The following TBKBP1 variants were observed in gnomAD, a reference collection of about 807,000 sequenced individuals.
TBKBP1 encodes TBK1 binding protein 1.
Under a neutral mutation model 69.9 loss-of-function variants are expected in TBKBP1, and 47 were observed. The observed-to-expected ratio is 0.67, with a 90% confidence interval of 0.53 to 0.86. TBKBP1 has a LOEUF of 0.86. Among genes scored for constraint, TBKBP1 ranks in the 40% least tolerant of loss-of-function variants. The probability of loss-of-function intolerance (pLI) is 0.00; values close to 1 mark genes in which losing one functional copy is unlikely to be tolerated. For missense variants in TBKBP1, 831 were observed against 858.6 expected, an observed-to-expected ratio of 0.97 and a Z score of 0.40; for synonymous variants, 418 against 390.3, an observed-to-expected ratio of 1.07 and a Z score of -0.84.
chr17:47,708,999 G>T lies in TBKBP1; in HGVS notation c.1266G>T (p.Pro422=). The T allele has an allele frequency of 8.8e-7, 1 of 1,135,038 alleles. No homozygotes were observed. The allele number at this position is 1,135,038 out of a possible 1,614,324, so 70.3% of individuals were successfully genotyped here. Residue 422 remains proline (P), a synonymous_variant, in exon 9 of 10, where the codon CCG becomes CCT. Transcript: ENST00000578982. The surrounding 1 kb of genome is among the most constrained non-coding windows in gnomAD (Gnocchi z 4.4). ...GTTCCCCGGTGCCCCCCAGCTGCCC[G>T]GCCCCGCAGCCCCGGCCACCGCCGC... ...QRRSPVPPSC[P]APQPRPPPPP...
At position 47,696,194 on chromosome 17, in the gene TBKBP1, G is replaced by A. The variant is rs897049872; in HGVS notation, c.82G>A (p.Gly28Arg). Reference protein sequence around the residue: ...GPSEVWLDSPGDPSLGGDMCS... With the variant: ...GPSEVWLDSPRDPSLGGDMCS... ...TAGTGAGGTGTGGCTGGACAGTCCCGGAGACCCCTCGCTTGGGGGCGACAT... is the reference window on the plus strand; with the variant it reads ...TAGTGAGGTGTGGCTGGACAGTCCCAGAGACCCCTCGCTTGGGGGCGACAT... Residue 28 changes from glycine (G) to arginine (R), a missense_variant, in exon 2 of 10, where the codon GGA becomes AGA. Physicochemically the swap from Gly to Arg is moderately radical, Grantham distance 125. Coordinates refer to ENST00000578982, the MANE Select transcript of TBKBP1 (RefSeq NM_001394755.1). 5 of 1,613,522 alleles carry A rather than the reference G, an allele frequency of 3.1e-6. No homozygotes were observed. Among genetic ancestry groups the A allele is most frequent in the Non-Finnish European group, 4.2e-6 (5 of 1,179,856 alleles).
chr17:47,699,456 G>A lies in TBKBP1; in HGVS notation c.771G>A (p.Leu257=). The change falls in exon 6 of 10, where the codon CTG becomes CTA. Residue 257 remains leucine, a synonymous_variant. Coordinates refer to ENST00000578982, the MANE Select transcript of TBKBP1 (RefSeq NM_001394755.1). The part of the protein sequence containing the change: ...EEQLQAECER[L]QGELKQLQET... ...AGCTCCAGGCCGAGTGCGAGCGGCTGCAGGGGGAGCTGAAGCAGCTGCAGG... is the reference window on the plus strand; with the variant it reads ...AGCTCCAGGCCGAGTGCGAGCGGCTACAGGGGGAGCTGAAGCAGCTGCAGG... 6.4e-7 allele frequency: 1 copy of A among 1,572,164 alleles called. No homozygotes were observed. The highest frequency in any genetic ancestry group is 1.2e-5 in the South Asian group (1 of 86,536).
Position 47,708,530 on chromosome 17 carries a change from AGGGGGAGGC to A in TBKBP1, c.991+19_991+27del. 6.2e-7 allele frequency: 1 copy of A among 1,611,588 alleles called. No individual in the cohort carries two copies. The highest frequency in any genetic ancestry group is 8.5e-7 in the Non-Finnish European group (1 of 1,178,378). On this transcript the variant is annotated intron_variant, in intron 8 of 9. Coordinates refer to ENST00000578982, the MANE Select transcript of TBKBP1 (RefSeq NM_001394755.1). This position sits in a 1 kb window ranked among gnomAD's most constrained non-coding sequence, Gnocchi z 4.4. ...GAGTGGCGGTGAGATGGGGCAGGGC[AGGGGGAGGC>A]AGCCGCGGGACCCGGGAAGGAGCGG...
intron 3 of TBKBP1, 52 bp from the exon 4 acceptor site, chr17:47,697,037 C>T: frequency 1.9e-6 from 3 of 1,565,262 alleles, no homozygotes; most frequent in South Asian, 2.3e-5. Flanking sequence ...TCTCCAACTC[C>T]AAGTCCAGTG....
intron 7 of TBKBP1, among the ~76,000 whole-genome samples, chr17:47,704,875 G>GC (rs1190859366): frequency 3.3e-5 from 5 of 152,230 alleles, no homozygotes; most frequent in African/African-American, 1.2e-4. Context: ...AATATTTGCA[G>GC]CCCAGGGGGC....
Position 47,699,442 on chromosome 17 carries a change from G to T in TBKBP1, c.757G>T (p.Glu253Ter). 1 of 1,571,022 alleles carries T rather than the reference G, an allele frequency of 6.4e-7. No homozygotes were observed. The highest frequency in any genetic ancestry group is 8.6e-7 in the Non-Finnish European group (1 of 1,160,194). The change falls in exon 6 of 10, where the codon GAG becomes TAG. Residue 253 changes from glutamate to a stop codon, truncating the protein, a stop_gained. Coordinates refer to ENST00000578982, the MANE Select transcript of TBKBP1 (RefSeq NM_001394755.1). LOFTEE classifies it high-confidence loss of function. ...GCTCCGGGAGGAGCAGCTCCAGGCC[G>T]AGTGCGAGCGGCTGCAGGGGGAGCT... is the stretch of plus-strand genomic sequence containing the variant. ...AQLREEQLQA[E>*]CERLQGELKQ...
rs575528050 is a variant in TBKBP1 at position 47,702,619 on chromosome 17, G to A, written c.872+2922G>A. Among the ~76,000 whole-genome samples the A allele has an allele frequency of 7.2e-5, 11 of 152,016 alleles. No homozygotes were observed. In the East Asian group the frequency reaches 1.4e-3, roughly 19 times the overall value. On this transcript the variant is annotated intron_variant, in intron 7 of 9. Coordinates refer to ENST00000578982, the MANE Select transcript of TBKBP1 (RefSeq NM_001394755.1). ...AAGTTCTGGCCATTAACGTTCCCAC[G>A]AAAACAGACACCCAGACCAGACCGA... is the stretch of plus-strand genomic sequence containing the variant.
Position 47,698,645 on chromosome 17 carries a change from G to A in TBKBP1, c.504G>A (p.Gln168=). ...HLRQICGLEQ[Q]LRQQQGLQDA... ...GTCAGATCTGTGGTTTGGAGCAGCA[G>A]CTGCGGCAACAGCAAGGCCTCCAGG... The change falls in exon 5 of 10, where the codon CAG becomes CAA. Residue 168 remains glutamine, a synonymous_variant. Transcript: ENST00000578982. 6.2e-7 allele frequency: 1 copy of A among 1,602,442 alleles called. No individual in the cohort carries two copies.
chr17:47,705,745 C>T (rs551468572), intron 7 of TBKBP1, among the ~76,000 whole-genome samples: 270 of 152,338 alleles, frequency 1.8e-3, no homozygotes, highest in Non-Finnish European at 3.0e-3. Flanking sequence ...GCGGCCCAGG[C>T]CTGTGCATCT....
chr17:47,707,577 A>C (rs545697056), intron 7 of TBKBP1, among the ~76,000 whole-genome samples: 23 of 152,356 alleles, frequency 1.5e-4, no homozygotes, highest in African/African-American at 5.5e-4. Context: ...AAGTTCTAGA[A>C]CAAGGCAGCC....
At position 47,707,536 on chromosome 17, in the gene TBKBP1, C is replaced by T. The variant is rs181519501; in HGVS notation, c.873-858C>T. 1.6e-3 allele frequency among the ~76,000 whole-genome samples: 239 copies of T among 152,330 alleles called. 2 individuals carry two copies. Among genetic ancestry groups the T allele is most frequent in the Non-Finnish European group, 8.8e-4 (60 of 68,020 alleles). On this transcript the variant is annotated intron_variant, in intron 7 of 9. Transcript: ENST00000578982. ...GGTGGTGGGAATATAAATACAATGA[C>T]GTAATCCTCACCATCAAGAAACTTC...
chr17:47,703,210 C>A (rs948733270), intron 7 of TBKBP1, among the ~76,000 whole-genome samples: 1 of 152,124 alleles, frequency 6.6e-6, no homozygotes, highest in African/African-American at 2.4e-5. Context: ...CACCTCCCCC[C>A]CCACCCCTCT....
chr17:47,699,705 A>C lies in TBKBP1; in HGVS notation c.872+8A>C. 6.2e-7 allele frequency: 1 copy of C among 1,613,924 alleles called. No homozygotes were observed. Among genetic ancestry groups the C allele is most frequent in the Non-Finnish European group, 8.5e-7 (1 of 1,179,878 alleles). On this transcript the variant is annotated splice_region_variant and intron_variant, in intron 7 of 9. Coordinates refer to ENST00000578982, the MANE Select transcript of TBKBP1 (RefSeq NM_001394755.1). ...AAGAGTTGGGGATGATCAGTAAGTC[A>C]CATTGGTAACCCTGGTCCCTCCGTG...
Position 47,708,374 on chromosome 17 carries a change from C to T in TBKBP1, c.873-20C>T, listed in dbSNP as rs2031769224. Reference sequence around the variant, plus strand: ...AGACCCACTGCCCTTCTCGTCTTTCCCACTGCCCTCTGACTTCAGGGTGAA... The same window carrying T: ...AGACCCACTGCCCTTCTCGTCTTTCTCACTGCCCTCTGACTTCAGGGTGAA... On this transcript the variant is annotated intron_variant, in intron 7 of 9. Coordinates refer to ENST00000578982, the MANE Select transcript of TBKBP1 (RefSeq NM_001394755.1). This position sits in a 1 kb window ranked among gnomAD's most constrained non-coding sequence, Gnocchi z 4.4. 6.2e-7 allele frequency: 1 copy of T among 1,613,442 alleles called. No individual in the cohort carries two copies. The highest frequency in any genetic ancestry group is 8.5e-7 in the Non-Finnish European group (1 of 1,179,486).
chr17:47,705,079 G>A (rs575055778), intron 7 of TBKBP1, among the ~76,000 whole-genome samples: 72 of 152,308 alleles, frequency 4.7e-4, no homozygotes, highest in Middle Eastern at 6.8e-3. Context: ...CCCCAGGGAA[G>A]GGGTGGTGAT....
chr17:47,708,419 G>C lies in TBKBP1; in HGVS notation c.898G>C (p.Glu300Gln). 1 of 1,613,908 alleles carries C rather than the reference G, an allele frequency of 6.2e-7. No homozygotes were observed. The highest frequency in any genetic ancestry group is 8.5e-7 in the Non-Finnish European group (1 of 1,179,828). Residue 300 changes from glutamate to glutamine, a missense_variant, in exon 8 of 10, where the codon GAG (glutamate) becomes CAG (glutamine). By Grantham distance (29) the Glu-to-Gln change is conservative. Transcript: ENST00000578982. This position sits in a 1 kb window ranked among gnomAD's most constrained non-coding sequence, Gnocchi z 4.4. ...GGTGAATTTGGCGCTGGCCTACACC[G>C]AGCTGACGGAGGAGCTGGGCCGGCT... is the stretch of plus-strand genomic sequence containing the variant. The part of the protein sequence containing the change: ...DQVNLALAYT[E>Q]LTEELGRLRE...
chr17:47,694,979 T>G (rs963523470), intron 1 of TBKBP1, among the ~76,000 whole-genome samples: 4 of 151,376 alleles, frequency 2.6e-5, no homozygotes, highest in African/African-American at 9.7e-5. Flanking sequence ...CTGTCTGAAC[T>G]CACAGCTCCC....
At chr17:47,700,960 T>C (rs528350812) in intron 7 of TBKBP1, among the ~76,000 whole-genome samples, 20 of 152,266 alleles carry the variant, frequency 1.3e-4, no homozygotes, top group Middle Eastern at 3.4e-3. Context: ...TCTTTCCGCC[T>C]AAGTCCTCTC....
Position 47,708,872 on chromosome 17 carries a change from C to T in TBKBP1, c.1139C>T (p.Pro380Leu). 2 of 1,415,972 alleles carry T rather than the reference C, an allele frequency of 1.4e-6. No homozygotes were observed. The highest frequency in any genetic ancestry group is 1.4e-5 in the South Asian group (1 of 72,810). 87.7% of individuals were successfully genotyped at this position (1,415,972 alleles called of 1,614,324 possible). A position where few individuals can be genotyped will look rare whatever the true frequency, so the allele number is the denominator to read the frequency against. The change falls in exon 9 of 10, where the codon CCG becomes CTG. Residue 380 changes from proline (P) to leucine (L), a missense_variant. Pro to Leu is a moderately conservative substitution (Grantham distance 98, BLOSUM62 -3). Coordinates refer to ENST00000578982, the MANE Select transcript of TBKBP1 (RefSeq NM_001394755.1). This position sits in a 1 kb window ranked among gnomAD's most constrained non-coding sequence, Gnocchi z 4.4. ...RRSPVPPCPS[P>L]QQRRSPASPS... The stretch of plus-strand genomic sequence containing the variant: ...TCTCCCGTGCCCCCGTGCCCCTCGC[C>T]GCAGCAGCGCCGCTCTCCGGCCTCA...
Sources: gnomAD v4.1 joint callset for allele counts (sites outside exome capture counted in the v4.1 genomes callset) on GRCh38, gnomAD v4.1.1 for gene constraint, Gnocchi (gnomAD v3.1) non-coding constraint, MANE v1.5 for transcripts, NCBI Gene and HGNC (gene_info 2026-07-23, HGNC 2026-07-21) for gene names.